The following ODC1 variants were observed in gnomAD, a reference collection of about 807,000 sequenced individuals.
ODC1 encodes the protein ornithine decarboxylase 1.
Under a neutral mutation model 41.5 loss-of-function variants are expected in ODC1, and 18 were observed. That is an observed-to-expected ratio of 0.43 (90% confidence interval 0.30 to 0.64). The LOEUF (loss-of-function observed/expected upper bound fraction) is 0.64, where lower values mean the gene tolerates loss of function less well. Among genes scored for constraint, ODC1 ranks in the 30% least tolerant of loss-of-function variants. The pLI, the probability that ODC1 is intolerant of heterozygous loss-of-function variation, is 0.11. For missense variants in ODC1, 504 were observed against 589.0 expected, an observed-to-expected ratio of 0.86 and a Z score of 1.49; for synonymous variants, 218 against 211.6, an observed-to-expected ratio of 1.03 and a Z score of -0.26.
chr2:10,446,294 C>T (rs1672010985), intron 1 of ODC1, among the ~76,000 whole-genome samples: 1 of 152,122 alleles, frequency 6.6e-6, no homozygotes, highest in African/African-American at 2.4e-5. Context: ...CCACCACACC[C>T]GGGGCCTGGC....
chr2:10,443,413 A>T, intron 7 of ODC1, 77 bp downstream of exon 7: 1 of 1,566,846 alleles, frequency 6.4e-7, no homozygotes, highest in Non-Finnish European at 8.8e-7. Context: ...AACTGCCATA[A>T]AAAGTTAACT....
intron 4 of ODC1, 103 bp downstream of exon 4, chr2:10,444,371 T>G: frequency 6.6e-7 from 1 of 1,505,156 alleles, no homozygotes; most frequent in Non-Finnish European, 8.9e-7. Flanking sequence ...CCATTTGCCT[T>G]TAGTGAGCAT....
intron 1 of ODC1, among the ~76,000 whole-genome samples, chr2:10,445,474 G>A (rs1459455499): frequency 6.6e-6 from 1 of 152,050 alleles, no homozygotes; most frequent in Non-Finnish European, 1.5e-5. Context: ...GTTTTTCCAA[G>A]GCAGCACACT....
At chr2:10,441,403 A>G in intron 11 of ODC1, 106 bp downstream of exon 11, 3 of 1,135,976 alleles carry the variant, frequency 2.6e-6, no homozygotes, top group Non-Finnish European at 3.7e-6. Context: ...ATATCCATAT[A>G]TATTTAATCT....
Position 10,441,579 on chromosome 2 carries a change from C to G in ODC1, c.1171G>C (p.Val391Leu). 6.8e-6 allele frequency: 11 copies of G among 1,614,198 alleles called. No homozygotes were observed. The highest frequency in any genetic ancestry group is 9.3e-6 in the Non-Finnish European group (11 of 1,180,042). Residue 391 changes from valine to leucine, a missense_variant, in exon 11 of 12, where the codon GTT (valine) becomes CTT (leucine). Val to Leu is a conservative substitution (Grantham distance 32, BLOSUM62 1). Coordinates refer to ENST00000234111, the MANE Select transcript of ODC1 (RefSeq NM_002539.3). ...CCATTGAACGTAGAGGCAGCAGCAACAGTGTAAGCGCCCATGTTTTCAAAG... is the reference window on the plus strand; with the variant it reads ...CCATTGAACGTAGAGGCAGCAGCAAGAGTGTAAGCGCCCATGTTTTCAAAG... ...MLFENMGAYT[V>L]AAASTFNGFQ...
chr2:10,444,173 G>A lies in ODC1; in HGVS notation c.371C>T (p.Ala124Val). ...AGTCATCATCTGGACTCCATTATTA[G>A]CAGCATACTTAATTTGAGATACTTG... ...CKQVSQIKYA[A>V]NNGVQMMTFD... Residue 124 changes from alanine (A) to valine (V), a missense_variant, in exon 5 of 12, where the codon GCT becomes GTT. Physicochemically the swap from Ala to Val is moderately conservative, Grantham distance 64. Coordinates refer to ENST00000234111, the MANE Select transcript of ODC1 (RefSeq NM_002539.3). 3.7e-6 allele frequency: 6 copies of A among 1,613,178 alleles called. No homozygotes were observed. The highest frequency in any genetic ancestry group is 5.1e-6 in the Non-Finnish European group (6 of 1,179,796).
intron 4 of ODC1, 27 bp downstream of exon 4, chr2:10,444,447 C>T (rs909977284): frequency 6.3e-7 from 1 of 1,582,674 alleles, no homozygotes; most frequent in Non-Finnish European, 8.6e-7. Context: ...TTATACAACG[C>T]TTTTGAGGCC....
chr2:10,444,931 A>G lies in ODC1; in HGVS notation c.102T>C (p.Ser34=). ...LDQKINEVSS[S]DDKDAFYVAD... is the part of the protein sequence containing the mutation. ...GCCAGCATGGGCCTCATATACTTAC[A>G]GAAGAAGAAACTTCATTAATTTTCT... The change falls in exon 3 of 12, where the codon TCT becomes TCC. Residue 34 remains serine (S), a splice_region_variant and synonymous_variant. Coordinates refer to ENST00000234111, the MANE Select transcript of ODC1 (RefSeq NM_002539.3). The G allele has an allele frequency of 6.2e-7, 1 of 1,606,668 alleles. No homozygotes were observed. Among genetic ancestry groups the G allele is most frequent in the Non-Finnish European group, 8.5e-7 (1 of 1,173,468 alleles).
Position 10,445,047 on chromosome 2 carries a change from C to A in ODC1, c.-15G>T. 6.5e-7 allele frequency: 1 copy of A among 1,542,596 alleles called. No individual in the cohort carries two copies. Among genetic ancestry groups the A allele is most frequent in the South Asian group, 1.1e-5 (1 of 89,408 alleles). ...AAGTTGTTCATGATTTCTTGATGTT[C>A]CTCTGAAATGCAACAAAATGCAAAT... On this transcript the variant is annotated splice_region_variant and 5_prime_UTR_variant, in exon 3 of 12. Coordinates refer to ENST00000234111, the MANE Select transcript of ODC1 (RefSeq NM_002539.3).
chr2:10,443,609 T>C (rs564731756), intron 6 of ODC1, 38 bp from the exon 7 acceptor site: 104 of 1,607,768 alleles, frequency 6.5e-5, no homozygotes, highest in Admixed American at 8.4e-5. Context: ...TGTGTCTTAG[T>C]ATTTCTTAAA....
Position 10,441,806 on chromosome 2 carries a change from T to G in ODC1, c.1026+11A>C. On this transcript the variant is annotated intron_variant, in intron 10 of 11. Coordinates refer to ENST00000234111, the MANE Select transcript of ODC1 (RefSeq NM_002539.3). Reference sequence around the variant, plus strand: ...CTCTTAATTGTTTTATACAGTATGCTCAGAAATTACCTTTTGCAGAAGGGG... The same window carrying G: ...CTCTTAATTGTTTTATACAGTATGCGCAGAAATTACCTTTTGCAGAAGGGG... 1 of 1,613,630 alleles carries G rather than the reference T, an allele frequency of 6.2e-7. No homozygotes were observed. The highest frequency in any genetic ancestry group is 8.5e-7 in the Non-Finnish European group (1 of 1,179,574).
At chr2:10,447,863 T>TG (rs1672084095) in intron 1 of ODC1, 1 of 152,110 alleles carries the variant, frequency 6.6e-6, no homozygotes, top group Non-Finnish European at 1.5e-5. Flanking sequence ...GGTCTCCGGG[T>TG]GGGTCTCCCC....
intron 1 of ODC1, chr2:10,446,764 C>A (rs1464184724): frequency 6.5e-6 from 3 of 462,854 alleles, no homozygotes; most frequent in Non-Finnish European, 1.3e-5. Context: ...AGAGGCCAGG[C>A]AATGGTTCGG....
At position 10,445,076 on chromosome 2, in the gene ODC1, G is replaced by A. The variant is rs780768305; in HGVS notation, c.-17-27C>T. 1.9e-5 allele frequency: 23 copies of A among 1,243,138 alleles called. No homozygotes were observed. The East Asian group carries it at 5.1e-4, about 28-fold the overall frequency. The allele number at this position is 1,243,138 out of a possible 1,614,324, so 77.0% of individuals were successfully genotyped here. Reference sequence around the variant, plus strand: ...TGAAATGCAACAAAATGCAAATAGAGTGGAGAAATTCACTTAGAAGCCTTA... The same window carrying A: ...TGAAATGCAACAAAATGCAAATAGAATGGAGAAATTCACTTAGAAGCCTTA... On this transcript the variant is annotated intron_variant, in intron 2 of 11. Coordinates refer to ENST00000234111, the MANE Select transcript of ODC1 (RefSeq NM_002539.3).
At position 10,444,105 on chromosome 2, in the gene ODC1, G is replaced by C; in HGVS notation, c.439C>G (p.Pro147Ala). ...GGGGGAATAACTCACTTTGCTTTGG[G>C]ATGTGCTCTGGCAACTTTCATCAAC... ...VELMKVARAHPKAKLVLRIAT... is the reference protein window; with the variant it reads ...VELMKVARAHAKAKLVLRIAT... Residue 147 changes from proline (P) to alanine (A), a missense_variant, in exon 5 of 12, where the codon CCC (proline) becomes GCC (alanine). By Grantham distance (27) the Pro-to-Ala change is conservative. Around this residue, in one of 3 missense-constraint regions of ODC1, gnomAD observed 447 missense variants for 524.4 expected, o/e 0.85. Coordinates refer to ENST00000234111, the MANE Select transcript of ODC1 (RefSeq NM_002539.3). 4 of 1,598,336 alleles carry C rather than the reference G, an allele frequency of 2.5e-6. No individual in the cohort carries two copies. Among genetic ancestry groups the C allele is most frequent in the Non-Finnish European group, 3.4e-6 (4 of 1,172,110 alleles).
rs1052489959 is a variant in ODC1 at position 10,444,660 on chromosome 2, T to C, written c.103-13A>G. On this transcript the variant is annotated splice_polypyrimidine_tract_variant and intron_variant, in intron 3 of 11. Coordinates refer to ENST00000234111, the MANE Select transcript of ODC1 (RefSeq NM_002539.3). ...CATCCTTATCATCCTGAAACAAGAG[T>C]GGTCACAGGTGACTCACTAGCAGCC... 1 of 1,605,112 alleles carries C rather than the reference T, an allele frequency of 6.2e-7. No individual in the cohort carries two copies. The highest frequency in any genetic ancestry group is 8.5e-7 in the Non-Finnish European group (1 of 1,175,442).
Position 10,441,847 on chromosome 2 carries a change from G to A in ODC1, c.996C>T (p.Asp332=), listed in dbSNP as rs1671833002. ...GCAGAAGGGGCTTTACATGTGCGTG[G>A]TCATAGAGTATGCAATTAAATGATC... ...VYGSFNCILY[D]HAHVKPLLQK... is the part of the protein sequence containing the mutation. Residue 332 remains aspartate (D), a synonymous_variant, in exon 10 of 12, where the codon GAC becomes GAT. Transcript: ENST00000234111. The A allele has an allele frequency of 2.5e-6, 4 of 1,613,974 alleles. No homozygotes were observed. The highest frequency in any genetic ancestry group is 1.1e-5 in the South Asian group (1 of 91,080).
chr2:10,444,848 T>C lies in ODC1; in HGVS notation c.102+83A>G, dbSNP rs28362396. The C allele has an allele frequency of 5.2e-3, 5,186 of 1,001,724 alleles. 246 individuals are homozygous for C. In the East Asian group the frequency reaches 0.087, roughly 17 times the overall value. The allele number at this position is 1,001,724 out of a possible 1,614,324, so 62.1% of individuals were successfully genotyped here. A position where few individuals can be genotyped will look rare whatever the true frequency, so the allele number is the denominator to read the frequency against. The stretch of plus-strand genomic sequence containing the variant: ...TCCATAACAAGACATGTAAGCCTCA[T>C]TGCTCTTCCTTAGACCTTGCCAAAG... On this transcript the variant is annotated intron_variant, in intron 3 of 11. Coordinates refer to ENST00000234111, the MANE Select transcript of ODC1 (RefSeq NM_002539.3).
intron 1 of ODC1, among the ~76,000 whole-genome samples, chr2:10,445,556 T>G (rs28362389): frequency 0.019 from 2,930 of 152,306 alleles, 81 homozygotes; most frequent in African/African-American, 0.067. Flanking sequence ...CTTAGCTCAC[T>G]GATATGGAAA....
Sources: gnomAD v4.1 joint callset for allele counts (sites outside exome capture counted in the v4.1 genomes callset) on GRCh38, gnomAD v4.1.1 for gene constraint, gnomAD v4.1.1 regional missense constraint, MANE v1.5 for transcripts, NCBI Gene and HGNC (gene_info 2026-07-23, HGNC 2026-07-21) for gene names.